TTC7B: variants seen among roughly 807,000 people sequenced by gnomAD.
TTC7B encodes the protein tetratricopeptide repeat domain 7B, also known as tetratricopeptide repeat protein 7B.
Under a neutral mutation model 106.8 loss-of-function variants are expected in TTC7B, and 28 were observed. The ratio of observed to expected loss-of-function variants is 0.26; its 90% CI spans 0.19 to 0.36. The LOEUF is 0.36. Ranked by LOEUF, TTC7B falls within the 10% of genes least tolerant of loss-of-function variation. TTC7B has a pLI of 1.00. For synonymous variants in TTC7B, 405 were observed against 430.6 expected (o/e 0.94, Z 0.74); for missense variants, 862 against 1,076.4 (o/e 0.80, Z 2.79).
At chr14:90,750,277 A>C (rs1645337193) in intron 3 of TTC7B, among the ~76,000 whole-genome samples, 1 of 152,244 alleles carries the variant, frequency 6.6e-6, no homozygotes, top group Non-Finnish European at 1.5e-5. Context: ...AATACTGTGC[A>C]AGTTGATATC....
intron 1 of TTC7B, among the ~76,000 whole-genome samples, chr14:90,793,166 A>T (rs976853451): frequency 3.3e-5 from 5 of 151,906 alleles, no homozygotes; most frequent in African/African-American, 1.2e-4. Flanking sequence ...CTTCCCATTT[A>T]CCTTCCACCA....
intron 16 of TTC7B, among the ~76,000 whole-genome samples, chr14:90,617,291 T>C (rs143801036): frequency 1.3e-4 from 20 of 148,606 alleles, no homozygotes; most frequent in African/African-American, 4.2e-4. Flanking sequence ...CATCATCTTA[T>C]AGGATGTTGT....
At chr14:90,794,211 C>CTTTTTTTTTTTT (rs1186061223) in intron 1 of TTC7B, among the ~76,000 whole-genome samples, 1 of 45,096 alleles carries the variant, frequency 2.2e-5, no homozygotes, top group Non-Finnish European at 4.6e-5. Context: ...CTGGGTATTT[C>CTTTTTTTTTTTT]TTTTTTTTTT....
intron 17 of TTC7B, among the ~76,000 whole-genome samples, chr14:90,610,206 T>C (rs1322612978): frequency 6.6e-6 from 1 of 152,190 alleles, no homozygotes; most frequent in Admixed American, 6.5e-5. Flanking sequence ...TGTAGTTAGG[T>C]GGACTCACTC....
intron 15 of TTC7B, among the ~76,000 whole-genome samples, chr14:90,631,348 A>T (rs1884694156): frequency 6.6e-6 from 1 of 151,650 alleles, no homozygotes; most frequent in South Asian, 2.1e-4. Context: ...GGATCACATG[A>T]TAATTCTATT....
chr14:90,781,568 C>T (rs1308456391), intron 2 of TTC7B, among the ~76,000 whole-genome samples: 1 of 152,180 alleles, frequency 6.6e-6, no homozygotes, highest in African/African-American at 2.4e-5. Context: ...GTTAAACATA[C>T]AAGCACCTGT....
At chr14:90,561,198 C>T (rs1377722037) in intron 19 of TTC7B, among the ~76,000 whole-genome samples, 5 of 152,214 alleles carry the variant, frequency 3.3e-5, no homozygotes, top group African/African-American at 4.8e-5. Flanking sequence ...AAGAAAGACG[C>T]GGCATCACAT....
intron 3 of TTC7B, among the ~76,000 whole-genome samples, chr14:90,761,388 A>G (rs28363871): frequency 0.017 from 2,622 of 152,052 alleles, 77 homozygotes; most frequent in African/African-American, 0.06. Flanking sequence ...GATCCACCAC[A>G]GGGCCATGCC....
chr14:90,612,534 A>G (rs1460829091), intron 16 of TTC7B, among the ~76,000 whole-genome samples: 2 of 152,202 alleles, frequency 1.3e-5, no homozygotes, highest in Non-Finnish European at 2.9e-5. Context: ...CTGGTGGTCC[A>G]AATCTGAGGT....
intron 19 of TTC7B, among the ~76,000 whole-genome samples, chr14:90,556,706 G>A (rs1890323070): frequency 6.6e-6 from 1 of 152,048 alleles, no homozygotes; most frequent in Non-Finnish European, 1.5e-5. Flanking sequence ...CTGCCCTCTG[G>A]GGAAGCCAGT....
intron 19 of TTC7B, among the ~76,000 whole-genome samples, chr14:90,557,340 C>T (rs1213600730): frequency 6.6e-6 from 1 of 152,172 alleles, no homozygotes; most frequent in African/African-American, 2.4e-5. Context: ...ACGCTCCCAC[C>T]CCTGCTGTGT....
At chr14:90,654,911 G>T in intron 12 of TTC7B, 82 bp downstream of exon 12, 1 of 1,125,350 alleles carries the variant, frequency 8.9e-7, no homozygotes, top group South Asian at 1.3e-5. Flanking sequence ...TGAGACAGAA[G>T]GGGACTGTGG....
chr14:90,699,152 C>T (rs1595295334), intron 5 of TTC7B: 1 of 455,948 alleles, frequency 2.2e-6, no homozygotes, highest in East Asian at 7.0e-5. Flanking sequence ...TACAAGCTTA[C>T]CGCACCTGGT....
At position 90,541,209 on chromosome 14, in the gene TTC7B, G is replaced by A. The variant is rs537831678; in HGVS notation, c.*159C>T. 212 of 554,000 alleles carry A rather than the reference G, an allele frequency of 3.8e-4. No individual in the cohort carries two copies. The highest frequency in any genetic ancestry group is 3.6e-3 in the African/African-American group (190 of 53,254). 34.3% of individuals were successfully genotyped at this position (554,000 alleles called of 1,614,324 possible). ...CAAGAGAAACGCACATGGCGAGAGC[G>A]ATGATTCGGGGTTGGTTTGGTTGGT... On this transcript the variant is annotated 3_prime_UTR_variant, in exon 20 of 20. Coordinates refer to ENST00000328459, the MANE Select transcript of TTC7B (RefSeq NM_001010854.2).
rs921927133 is a variant in TTC7B, at chr14:90,740,070, G to A, written c.576+4722C>T. Among the ~76,000 whole-genome samples, 7 of 152,066 alleles carry A rather than the reference G, an allele frequency of 4.6e-5. No individual in the cohort carries two copies. In the East Asian group the frequency reaches 9.6e-4, roughly 21 times the overall value. ...GGTAGTTTATCTGTTATTCCCCTTC[G>A]GAAAACAAACTATCAGAGACTATTC... On this transcript the variant is annotated intron_variant, in intron 4 of 19. Transcript: ENST00000328459.
At chr14:90,579,537 C>A (rs1471663128) in intron 18 of TTC7B, among the ~76,000 whole-genome samples, 1 of 152,208 alleles carries the variant, frequency 6.6e-6, no homozygotes, top group Non-Finnish European at 1.5e-5. Flanking sequence ...GTGGCTTGTG[C>A]CTGTAATCCT....
chr14:90,610,954 G>A lies in TTC7B; in HGVS notation c.1869-115C>T, dbSNP rs188882125. 328 of 771,550 alleles carry A rather than the reference G, an allele frequency of 4.3e-4. No homozygotes were observed. The East Asian group carries it at 5.4e-3, about 13-fold the overall frequency. 47.8% of individuals were successfully genotyped at this position (771,550 alleles called of 1,614,324 possible). A position where few individuals can be genotyped will look rare whatever the true frequency, so the allele number is the denominator to read the frequency against. On this transcript the variant is annotated intron_variant, in intron 16 of 19. Transcript: ENST00000328459. ...TGAATACTTTCTGTGCATTTTTTAC[G>A]TTCTTCAGCATCTTTCTTATGAAGG... is the stretch of plus-strand genomic sequence containing the variant.
chr14:90,687,468 G>A (rs2139935996), intron 7 of TTC7B, among the ~76,000 whole-genome samples: 2 of 152,298 alleles, frequency 1.3e-5, no homozygotes, highest in African/African-American at 4.8e-5. Flanking sequence ...ATACTGGATG[G>A]CACCCAAAGA....
rs762825171 is a variant in TTC7B, at chr14:90,657,149, C to T, written c.1341+25G>A. ...CCTGGCCCAGAGTCCTCTGCAGGAG[C>T]GGGGAGGGGGGCGCCCCTACTCACC... On this transcript the variant is annotated intron_variant, in intron 11 of 19. Coordinates refer to ENST00000328459, the MANE Select transcript of TTC7B (RefSeq NM_001010854.2). This position sits in a 1 kb window ranked among gnomAD's most constrained non-coding sequence, Gnocchi z 4.2. 1.3e-5 allele frequency: 21 copies of T among 1,598,816 alleles called. No homozygotes were observed. Among genetic ancestry groups the T allele is most frequent in the Middle Eastern group, 1.7e-4 (1 of 6,022 alleles).
Sources: allele counts gnomAD v4.1 joint callset (sites outside exome capture counted in the v4.1 genomes callset), GRCh38; gene constraint gnomAD v4.1.1; non-coding constraint Gnocchi (gnomAD v3.1); transcripts MANE v1.5; gene names NCBI Gene and HGNC (gene_info 2026-07-23, HGNC 2026-07-21).